The following NDUFV2 variants were observed in gnomAD, a reference collection of about 807,000 sequenced individuals.
NDUFV2 encodes NADH:ubiquinone oxidoreductase core subunit V2, also known as NADH dehydrogenase [ubiquinone] flavoprotein 2, mitochondrial.
Under a neutral mutation model 31.6 loss-of-function variants are expected in NDUFV2, and 18 were observed. The ratio of observed to expected loss-of-function variants is 0.57; its 90% CI spans 0.39 to 0.84. The LOEUF is 0.84. Ranked by LOEUF, NDUFV2 falls within the 40% of genes least tolerant of loss-of-function variation. The probability of loss-of-function intolerance (pLI) is 0.00; values close to 1 mark genes in which losing one functional copy is unlikely to be tolerated. For missense variants in NDUFV2, 314 were observed against 303.6 expected (o/e 1.03, Z -0.26); for synonymous variants, 83 against 99.8 (o/e 0.83, Z 1.01).
intron 1 of NDUFV2, chr18:9,112,787 C>T (rs913532834): frequency 2.0e-5 from 3 of 152,170 alleles, no homozygotes; most frequent in Non-Finnish European, 4.4e-5. Context: ...CCCGGCCCTT[C>T]ATTGGTTTTT....
chr18:9,132,998 T>C (rs1208843094), intron 7 of NDUFV2, among the ~76,000 whole-genome samples: 2 of 152,254 alleles, frequency 1.3e-5, no homozygotes, highest in African/African-American at 4.8e-5. Context: ...TGACTGCTTT[T>C]TTATCTGTTT....
intron 1 of NDUFV2, among the ~76,000 whole-genome samples, chr18:9,108,826 G>C (rs1263214200): frequency 6.6e-6 from 1 of 151,962 alleles, no homozygotes; most frequent in Admixed American, 6.6e-5. Flanking sequence ...AAGTAGCTGG[G>C]ATTAAAGGTG....
At chr18:9,114,407 T>A (rs1034163092) in intron 1 of NDUFV2, among the ~76,000 whole-genome samples, 15 of 151,762 alleles carry the variant, frequency 9.9e-5, no homozygotes, top group African/African-American at 2.9e-4. Context: ...CACAATTTTT[T>A]AAAAATAGGT....
At chr18:9,106,735 A>G (rs943128272) in intron 1 of NDUFV2, among the ~76,000 whole-genome samples, 1 of 152,034 alleles carries the variant, frequency 6.6e-6, no homozygotes, top group Non-Finnish European at 1.5e-5. Context: ...TAAAAGTGAC[A>G]CAGGTCTCAG....
chr18:9,132,646 G>A (rs931069803), intron 7 of NDUFV2, among the ~76,000 whole-genome samples: 1 of 152,224 alleles, frequency 6.6e-6, no homozygotes, highest in Middle Eastern at 3.4e-3. Flanking sequence ...AGGTTGAGGC[G>A]GACAGATTGT....
intron 7 of NDUFV2, among the ~76,000 whole-genome samples, chr18:9,129,348 C>G (rs576624327): frequency 6.6e-6 from 1 of 152,270 alleles, no homozygotes; most frequent in Non-Finnish European, 1.5e-5. Context: ...CCTGCTTTGT[C>G]TACTTTGTTA....
intron 6 of NDUFV2, among the ~76,000 whole-genome samples, chr18:9,126,077 GGT>G (rs1226298003): frequency 1.3e-5 from 2 of 152,066 alleles, no homozygotes; most frequent in African/African-American, 2.4e-5. Flanking sequence ...TTGGCGTCTG[GGT>G]ACTTATTTCT....
intron 4 of NDUFV2, among the ~76,000 whole-genome samples, chr18:9,119,969 T>A (rs2077923100): frequency 6.6e-6 from 1 of 152,158 alleles, no homozygotes. Context: ...AGTATGAAAA[T>A]TTTTAATATT....
chr18:9,102,738 C>G lies in NDUFV2; in HGVS notation c.-6C>G, dbSNP rs750382912. 5.7e-5 allele frequency: 90 copies of G among 1,586,062 alleles called. No individual in the cohort carries two copies. Among genetic ancestry groups the G allele is most frequent in the Middle Eastern group, 2.1e-4 (1 of 4,784 alleles). On this transcript the variant is annotated 5_prime_UTR_variant, in exon 1 of 8. Transcript: ENST00000318388. The stretch of plus-strand genomic sequence containing the variant: ...CGGCTGGGGAAGGTGAACAGTGTGG[C>G]CCGCCATGTTCTTCTCCGCGGCGCT...
intron 1 of NDUFV2, among the ~76,000 whole-genome samples, chr18:9,114,160 T>G (rs1335474846): frequency 6.6e-6 from 1 of 152,228 alleles, no homozygotes; most frequent in African/African-American, 2.4e-5. Context: ...CATGGAAATC[T>G]TTCTACCAGC....
Position 9,122,817 on chromosome 18 carries a change from G to A in NDUFV2, c.469+136G>A, listed in dbSNP as rs898007292. On this transcript the variant is annotated intron_variant, in intron 5 of 7. Transcript: ENST00000318388. ...TTACCTAGTAATATTTTGTGTTACT[G>A]TGTTTCCACATCTTTATTTCTTCCT... is the stretch of plus-strand genomic sequence containing the variant. 5 of 827,420 alleles carry A rather than the reference G, an allele frequency of 6.0e-6. No individual in the cohort carries two copies. In the African/African-American group the frequency reaches 6.8e-5, roughly 11 times the overall value. 51.3% of individuals were successfully genotyped at this position (827,420 alleles called of 1,614,324 possible). A position where few individuals can be genotyped will look rare whatever the true frequency, so the allele number is the denominator to read the frequency against.
At chr18:9,105,080 T>G in intron 1 of NDUFV2, 3 of 1,256,392 alleles carry the variant, frequency 2.4e-6, no homozygotes. Context: ...CTACATAGCA[T>G]TCCATTGTGA....
chr18:9,126,898 C>T lies in NDUFV2; in HGVS notation c.647C>T (p.Pro216Leu), dbSNP rs370590394. The T allele has an allele frequency of 1.9e-6, 3 of 1,613,044 alleles. No homozygotes were observed. In the African/African-American group the frequency reaches 4.0e-5, roughly 22 times the overall value. ...CTCAAGGCTGGCAAAATCCCAAAAC[C>T]AGGGCCAAGGTATGCTTTATTTATA... is the stretch of plus-strand genomic sequence containing the variant. ...DELKAGKIPK[P>L]GPRSGRFSCE... The change falls in exon 7 of 8, where the codon CCA (proline) becomes CTA (leucine). Residue 216 changes from proline to leucine, a missense_variant. Physicochemically the swap from Pro to Leu is moderately conservative, Grantham distance 98 (BLOSUM62 -3). Transcript: ENST00000318388.
intron 1 of NDUFV2, among the ~76,000 whole-genome samples, chr18:9,116,759 T>C (rs1487083196): frequency 1.3e-5 from 2 of 152,256 alleles, no homozygotes; most frequent in Non-Finnish European, 2.9e-5. Context: ...CTCCGTTTAC[T>C]TTCTTCTATG....
At chr18:9,117,314 C>T (rs936172240) in intron 1 of NDUFV2, 29 of 156,130 alleles carry the variant, frequency 1.9e-4, no homozygotes, top group Non-Finnish European at 3.6e-4. Context: ...GGATTACAGG[C>T]ATGAACCACC....
intron 7 of NDUFV2, among the ~76,000 whole-genome samples, chr18:9,131,945 A>AG (rs1219604819): frequency 2.6e-5 from 4 of 152,062 alleles, no homozygotes; most frequent in Admixed American, 6.6e-5. Flanking sequence ...TACAGATGAA[A>AG]GGGGGGGTTA....
chr18:9,104,656 TTCTC>T (rs1336360869), intron 1 of NDUFV2, among the ~76,000 whole-genome samples: 6 of 151,808 alleles, frequency 4.0e-5, no homozygotes, highest in African/African-American at 1.2e-4. Flanking sequence ...GGAACTCTCT[TTCTC>T]TCCCTCCCTC....
chr18:9,118,051 C>T, intron 2 of NDUFV2, 148 bp downstream of exon 2: 2 of 651,404 alleles, frequency 3.1e-6, no homozygotes. Flanking sequence ...GAATTTACTA[C>T]ATTTCAAAAG....
chr18:9,131,692 A>T (rs182796447), intron 7 of NDUFV2, among the ~76,000 whole-genome samples: 1 of 152,348 alleles, frequency 6.6e-6, no homozygotes, highest in Admixed American at 6.5e-5. Context: ...AAGTTTACAG[A>T]AAGGCCAAGT....
Sources: allele counts gnomAD v4.1 joint callset (sites outside exome capture counted in the v4.1 genomes callset), GRCh38; gene constraint gnomAD v4.1.1; transcripts MANE v1.5; gene names NCBI Gene and HGNC (gene_info 2026-07-23, HGNC 2026-07-21).